The following CADPS2 variants were observed in gnomAD, a reference collection of about 807,000 sequenced individuals.
The protein encoded by CADPS2 is calcium dependent secretion activator 2.
Under a neutral mutation model 172.5 loss-of-function variants are expected in CADPS2, and 93 were observed. The ratio of observed to expected loss-of-function variants is 0.54; its 90% CI spans 0.46 to 0.64. The LOEUF (loss-of-function observed/expected upper bound fraction) is 0.64. Ranked by LOEUF, CADPS2 falls within the 30% of genes least tolerant of loss-of-function variation. The pLI, the probability that CADPS2 is intolerant of heterozygous loss-of-function variation, is 0.00. For missense variants in CADPS2, 1,420 were observed against 1,565.9 expected (o/e 0.91, Z 1.57); for synonymous variants, 546 against 555.2 (o/e 0.98, Z 0.23).
intron 4 of CADPS2, among the ~76,000 whole-genome samples, chr7:122,621,985 T>C (rs796988610): frequency 2.6e-5 from 4 of 152,270 alleles, no homozygotes; most frequent in African/African-American, 9.6e-5. Context: ...GTGATAAGAT[T>C]TGCTTAAGGA....
chr7:122,878,201 A>C (rs1399107159), intron 1 of CADPS2, among the ~76,000 whole-genome samples: 2 of 147,968 alleles, frequency 1.4e-5, no homozygotes. Flanking sequence ...TGGAGGTTGC[A>C]GTGAGCCGAG....
chr7:122,495,018 C>T (rs1371172817), intron 9 of CADPS2, among the ~76,000 whole-genome samples: 2 of 151,834 alleles, frequency 1.3e-5, no homozygotes, highest in South Asian at 2.1e-4. Context: ...CAATAACGGT[C>T]CAACTGTATT....
chr7:122,439,428 T>A (rs2051066196), intron 16 of CADPS2: 1 of 152,182 alleles, frequency 6.6e-6, no homozygotes, highest in South Asian at 2.1e-4. Flanking sequence ...AGTGCTCTAT[T>A]TCTATGTCTT....
intron 1 of CADPS2, among the ~76,000 whole-genome samples, chr7:122,781,908 CTATT>C (rs755776260): frequency 9.9e-5 from 15 of 152,174 alleles, no homozygotes; most frequent in Non-Finnish European, 1.5e-4. Flanking sequence ...TTAATTCTGT[CTATT>C]TATTTTGGGT....
At chr7:122,588,503 A>G (rs1459647059) in intron 6 of CADPS2, among the ~76,000 whole-genome samples, 2 of 151,744 alleles carry the variant, frequency 1.3e-5, no homozygotes, top group Non-Finnish European at 2.9e-5. Flanking sequence ...GAAATTTTTA[A>G]AACAATCCAA....
At chr7:122,417,324 A>G (rs1350689174) in intron 17 of CADPS2, among the ~76,000 whole-genome samples, 1 of 152,186 alleles carries the variant, frequency 6.6e-6, no homozygotes, top group African/African-American at 2.4e-5. Context: ...CCCTCAAGCC[A>G]TATACACTTC....
chr7:122,697,762 A>G, intron 2 of CADPS2: 2 of 1,532,048 alleles, frequency 1.3e-6, no homozygotes, highest in Non-Finnish European at 1.8e-6. Context: ...ATACAGGTTT[A>G]ATACACTTCC....
At position 122,583,980 on chromosome 7, in the gene CADPS2, A is replaced by T. The variant is rs138846449; in HGVS notation, c.1224-2690T>A. The stretch of plus-strand genomic sequence containing the variant: ...TTGAAATAATCTGTAATTATAGTAG[A>T]TTACTCTATTGTCTTCCTTTCTTGA... On this transcript the variant is annotated intron_variant, in intron 6 of 29. Transcript: ENST00000449022. 3.9e-3 allele frequency among the ~76,000 whole-genome samples: 590 copies of T among 151,636 alleles called. 6 individuals are homozygous for T. The highest frequency in any genetic ancestry group is 0.013 in the African/African-American group (560 of 41,518).
At chr7:122,349,227 T>A (rs2038163741) in intron 27 of CADPS2, among the ~76,000 whole-genome samples, 1 of 152,178 alleles carries the variant, frequency 6.6e-6, no homozygotes, top group African/African-American at 2.4e-5. Context: ...TGGATTCAGA[T>A]TAGTTTTTAT....
At chr7:122,605,623 T>C (rs1587773804) in intron 6 of CADPS2, among the ~76,000 whole-genome samples, 1 of 152,262 alleles carries the variant, frequency 6.6e-6, no homozygotes, top group East Asian at 1.9e-4. Flanking sequence ...TTAATGACCT[T>C]ATCAAAATTA....
intron 1 of CADPS2, among the ~76,000 whole-genome samples, chr7:122,849,279 A>G (rs1812863980): frequency 6.6e-6 from 1 of 152,254 alleles, no homozygotes; most frequent in South Asian, 2.1e-4. Context: ...AATCTGTAAA[A>G]TATCTGGAGG....
intron 9 of CADPS2, among the ~76,000 whole-genome samples, chr7:122,507,883 A>G (rs2059725069): frequency 6.6e-6 from 1 of 152,178 alleles, no homozygotes; most frequent in African/African-American, 2.4e-5. Flanking sequence ...AGGGTAAGGA[A>G]AAAAGAGGGA....
In CADPS2 at chr7:122,855,731, A is replaced by G. The variant is rs146651510; in HGVS notation, c.339+30268T>C. 1.6e-4 allele frequency among the ~76,000 whole-genome samples: 24 copies of G among 152,332 alleles called. 1 individual carries two copies. The East Asian group carries it at 4.4e-3, about 28-fold the overall frequency. On this transcript the variant is annotated intron_variant, in intron 1 of 29. Coordinates refer to ENST00000449022, the MANE Select transcript of CADPS2 (RefSeq NM_017954.11). ...AAGAATGCAGACTGCTTCTACATCT[A>G]TCTCGAGCCCTGACAACTTCTTTTA...
At chr7:122,836,143 C>G (rs573925045) in intron 1 of CADPS2, among the ~76,000 whole-genome samples, 96 of 152,148 alleles carry the variant, frequency 6.3e-4, no homozygotes, top group Admixed American at 1.4e-3. Flanking sequence ...TTAAAGAAAA[C>G]AATTTTCAAC....
At chr7:122,745,100 C>G (rs1281059372) in intron 1 of CADPS2, among the ~76,000 whole-genome samples, 2 of 151,902 alleles carry the variant, frequency 1.3e-5, no homozygotes, top group Non-Finnish European at 2.9e-5. Context: ...ACACACCCAT[C>G]ATCTTACAGT....
At position 122,318,801 on chromosome 7, in the gene CADPS2, T is replaced by C. The variant is rs917385095; in HGVS notation, c.*1364A>G. On this transcript the variant is annotated 3_prime_UTR_variant, in exon 30 of 30. Transcript: ENST00000449022. Reference sequence around the variant, plus strand: ...AGTCTAGGTACCTAACGACCACTTATTACACCATGGGAGAACGAATCTGGA... The same window carrying C: ...AGTCTAGGTACCTAACGACCACTTACTACACCATGGGAGAACGAATCTGGA... 2 of 152,186 alleles carry C rather than the reference T, an allele frequency of 1.3e-5. No homozygotes were observed. Among genetic ancestry groups the C allele is most frequent in the African/African-American group, 4.8e-5 (2 of 41,434 alleles). The allele number at this position is 152,186 out of a possible 1,614,324, so 9.4% of individuals were successfully genotyped here.
At chr7:122,791,847 C>A (rs991702246) in intron 1 of CADPS2, among the ~76,000 whole-genome samples, 1 of 152,142 alleles carries the variant, frequency 6.6e-6, no homozygotes, top group Non-Finnish European at 1.5e-5. Flanking sequence ...ATTATCTCAT[C>A]TACATAACCA....
chr7:122,360,741 T>A lies in CADPS2; in HGVS notation c.3504+47A>T, dbSNP rs150495463. ...AACCCATGATGAACTGCAATTTTTT[T>A]TTAAAGAATTCCATACAGTTTTAAA... On this transcript the variant is annotated intron_variant, in intron 27 of 29. Transcript: ENST00000449022. The A allele has an allele frequency of 9.7e-3, 14,641 of 1,512,610 alleles. 108 individuals carry two copies. Among genetic ancestry groups the A allele is most frequent in the Non-Finnish European group, 0.012 (13,374 of 1,127,046 alleles). The allele number at this position is 1,512,610 out of a possible 1,614,324, so 93.7% of individuals were successfully genotyped here. A position where few individuals can be genotyped will look rare whatever the true frequency, so the allele number is the denominator to read the frequency against.
chr7:122,752,442 C>T (rs2092990691), intron 1 of CADPS2, among the ~76,000 whole-genome samples: 1 of 152,048 alleles, frequency 6.6e-6, no homozygotes, highest in Admixed American at 6.6e-5. Context: ...GGTAGAAAAA[C>T]ATTTATAACC....
Sources: gnomAD v4.1 joint callset for allele counts (sites outside exome capture counted in the v4.1 genomes callset) on GRCh38, gnomAD v4.1.1 for gene constraint, MANE v1.5 for transcripts, NCBI Gene and HGNC (gene_info 2026-07-23, HGNC 2026-07-21) for gene names.